The following AGT variants were observed in gnomAD, a reference collection of about 807,000 sequenced individuals.
The protein encoded by AGT is angiotensinogen, also known as alpha-1 antiproteinase, antitrypsin.
In AGT, 26 loss-of-function variants were observed where a neutral mutation model predicts 28.1. That is an observed-to-expected ratio of 0.92 (90% CI 0.68 to 1.28). AGT has a LOEUF of 1.28. Among genes scored for constraint, AGT ranks in the 50% most tolerant of loss-of-function variants. The pLI is 0.00. For missense variants in AGT, 596 were observed against 592.3 expected, an observed-to-expected ratio of 1.01 and a Z score of -0.06; for synonymous variants, 259 against 259.6, an observed-to-expected ratio of 1.00 and a Z score of 0.02.
Position 230,710,604 on chromosome 1 carries a change from C to T in AGT, c.220G>A (p.Ala74Thr), listed in dbSNP as rs775362851. Residue 74 changes from alanine to threonine, a missense_variant, in exon 2 of 5, where the codon GCC becomes ACC. Coordinates refer to ENST00000366667, the MANE Select transcript of AGT (RefSeq NM_001384479.1). ...QAKTSPVDEK[A>T]LQDQLVLVAA... ...ACTAGCACCAGCTGGTCCTGTAGGGCCTTTTCATCCACAGGGGATGTCTTG... is the reference window on the plus strand; with the variant it reads ...ACTAGCACCAGCTGGTCCTGTAGGGTCTTTTCATCCACAGGGGATGTCTTG... 47 of 1,614,140 alleles carry T rather than the reference C, an allele frequency of 2.9e-5. No homozygotes were observed. The highest frequency in any genetic ancestry group is 4.0e-5 in the Non-Finnish European group (47 of 1,180,054).
intron 1 of AGT, among the ~76,000 whole-genome samples, chr1:230,728,135 T>G (rs1391765629): frequency 1.3e-5 from 2 of 151,898 alleles, no homozygotes; most frequent in Non-Finnish European, 2.9e-5. Context: ...CAGGTAGGGG[T>G]CGTGGGTCCA....
chr1:230,705,377 A>T (rs936824031), intron 3 of AGT, among the ~76,000 whole-genome samples: 1 of 152,164 alleles, frequency 6.6e-6, no homozygotes, highest in Non-Finnish European at 1.5e-5. Flanking sequence ...ATCTGGGGTG[A>T]TGTGTAGTTT....
intron 1 of AGT, among the ~76,000 whole-genome samples, chr1:230,723,205 T>C (rs1663879740): frequency 6.6e-6 from 1 of 152,152 alleles, no homozygotes; most frequent in African/African-American, 2.4e-5. Flanking sequence ...TCCTTCCCCT[T>C]CCACCATCAT....
chr1:230,730,580 G>A (rs1406852675), intron 1 of AGT, among the ~76,000 whole-genome samples: 1 of 152,190 alleles, frequency 6.6e-6, no homozygotes, highest in African/African-American at 2.4e-5. Context: ...TTGAAAACGT[G>A]TGTGGAACGA....
At chr1:230,735,433 T>C (rs375726438) in intron 1 of AGT, among the ~76,000 whole-genome samples, 28 of 152,360 alleles carry the variant, frequency 1.8e-4, no homozygotes, top group Admixed American at 3.3e-4. Context: ...TTTACATTTT[T>C]ATTTTAAAAT....
At chr1:230,707,664 C>T (rs889696303) in intron 2 of AGT, among the ~76,000 whole-genome samples, 1 of 152,238 alleles carries the variant, frequency 6.6e-6, no homozygotes, top group African/African-American at 2.4e-5. Flanking sequence ...TGCTGCCCAC[C>T]TGGGCTGGCA....
At chr1:230,719,381 T>TCA, upstream of AGT, among the ~76,000 whole-genome samples, 1 of 136,296 alleles carries the variant, frequency 7.3e-6, no homozygotes, top group African/African-American at 3.1e-5. Context: ...TTCTTTCTAT[T>TCA]TTTTATTATT....
intron 1 of AGT, among the ~76,000 whole-genome samples, chr1:230,725,921 C>T (rs1467404744): frequency 6.6e-6 from 1 of 152,012 alleles, no homozygotes; most frequent in Admixed American, 6.6e-5. Context: ...GACTGAACAT[C>T]ATCATGAAGA....
chr1:230,725,590 C>A (rs914145438), intron 1 of AGT, among the ~76,000 whole-genome samples: 1 of 152,078 alleles, frequency 6.6e-6, no homozygotes, highest in Admixed American at 6.6e-5. Context: ...CTTTTCCCAC[C>A]GAAGCCCCAT....
At position 230,736,553 on chromosome 1, in the gene AGT, C is replaced by T. The variant is rs143940147; in HGVS notation, c.-31+8962G>A. Among the ~76,000 whole-genome samples, 123 of 152,088 alleles carry T rather than the reference C, an allele frequency of 8.1e-4. 2 individuals carry two copies. The East Asian group carries it at 0.019, about 24-fold the overall frequency. ...GAATTATTTCGAACACTTTTGTTTC[C>T]GCAGTATTCTTGCAACATCTGGGGC... On this transcript the variant is annotated intron_variant, in intron 1 of 4. Coordinates refer to the AGT transcript ENST00000681269.
intron 3 of AGT, among the ~76,000 whole-genome samples, chr1:230,705,042 T>G (rs1179569327): frequency 6.6e-6 from 1 of 152,136 alleles, no homozygotes; most frequent in Non-Finnish European, 1.5e-5. Flanking sequence ...TGACATGTGC[T>G]ACAACATGGG....
intron 1 of AGT, among the ~76,000 whole-genome samples, chr1:230,734,891 T>C (rs531356377): frequency 1.8e-4 from 27 of 151,978 alleles, no homozygotes; most frequent in Admixed American, 1.7e-3. Flanking sequence ...TTTTTTTGTA[T>C]GTTTAGTAGA....
chr1:230,705,839 G>C, intron 3 of AGT, 94 bp downstream of exon 3: 2 of 1,533,764 alleles, frequency 1.3e-6, no homozygotes, highest in Non-Finnish European at 1.8e-6. Context: ...CTGCACCCAA[G>C]GCTCAGCTCA....
At chr1:230,709,844 C>T (rs986389185) in intron 2 of AGT, 151 bp downstream of exon 2, 13 of 1,150,342 alleles carry the variant, frequency 1.1e-5, no homozygotes, top group Non-Finnish European at 1.6e-5. Context: ...AGGGACCCAG[C>T]GGAGCAGCCA....
intron 1 of AGT, among the ~76,000 whole-genome samples, chr1:230,735,108 C>A (rs528026834): frequency 6.6e-5 from 10 of 152,082 alleles, no homozygotes; most frequent in African/African-American, 2.2e-4. Flanking sequence ...TGGAGGACTG[C>A]GCTTGGTACT....
At position 230,702,852 on chromosome 1, in the gene AGT, C is replaced by A; in HGVS notation, c.*289G>T. 2.3e-6 allele frequency: 1 copy of A among 436,028 alleles called. No homozygotes were observed. The highest frequency in any genetic ancestry group is 3.6e-5 in the Admixed American group (1 of 27,624). 27.0% of individuals were successfully genotyped at this position (436,028 alleles called of 1,614,324 possible). ...GGAATTCTTTTTGGAACAGTAGTCC[C>A]GCGCTAAACACTGGTTCTTGCCTCC... On this transcript the variant is annotated 3_prime_UTR_variant, in exon 5 of 5. Transcript: ENST00000366667.
At chr1:230,736,203 A>G (rs1664152142) in intron 1 of AGT, among the ~76,000 whole-genome samples, 2 of 151,472 alleles carry the variant, frequency 1.3e-5, no homozygotes. Flanking sequence ...AATACAATTG[A>G]CCCCTTATCA....
intron 4 of AGT, among the ~76,000 whole-genome samples, 200 bp from the exon 5 acceptor site, chr1:230,703,529 C>T (rs906290203): frequency 3.3e-5 from 5 of 151,804 alleles, no homozygotes; most frequent in African/African-American, 1.2e-4. Flanking sequence ...TGTAGATGAC[C>T]GTTAATTGGC....
At chr1:230,710,949 C>G (rs1359387636) in intron 1 of AGT, 96 bp from the exon 2 acceptor site, 2 of 1,444,240 alleles carry the variant, frequency 1.4e-6, no homozygotes, top group Non-Finnish European at 1.9e-6. Flanking sequence ...TTCCCTGTCA[C>G]CATTTAGCCC....
Sources: allele counts gnomAD v4.1 joint callset (sites outside exome capture counted in the v4.1 genomes callset), GRCh38; gene constraint gnomAD v4.1.1; transcripts MANE v1.5; gene names NCBI Gene and HGNC (gene_info 2026-07-23, HGNC 2026-07-21).